Variants in PAG1 observed in about 807,000 individuals in gnomAD.
PAG1 encodes the protein phosphoprotein membrane anchor with glycosphingolipid microdomains 1.
A neutral mutation model predicts 31.7 loss-of-function variants in PAG1; 23 were observed. The ratio of observed to expected loss-of-function variants is 0.73; its 90% CI spans 0.52 to 1.03. The LOEUF is 1.03. Ranked by LOEUF, PAG1 falls within the 50% of genes least tolerant of loss-of-function variation. PAG1 has a pLI of 0.00. For missense variants in PAG1, 473 were observed against 540.7 expected (o/e 0.87, Z 1.24); for synonymous variants, 214 against 210.3 (o/e 1.02, Z -0.15).
At chr8:80,982,691 T>C (rs1021962387) in intron 7 of PAG1, among the ~76,000 whole-genome samples, 4 of 152,212 alleles carry the variant, frequency 2.6e-5, no homozygotes, top group Non-Finnish European at 5.9e-5. Flanking sequence ...CACTGACTGC[T>C]GGTTCTCCCC....
At chr8:81,042,349 A>G (rs995540234) in intron 2 of PAG1, among the ~76,000 whole-genome samples, 3 of 152,326 alleles carry the variant, frequency 2.0e-5, no homozygotes, top group African/African-American at 7.2e-5. Flanking sequence ...GCATTTGATC[A>G]CTAACTGCAA....
intron 3 of PAG1, among the ~76,000 whole-genome samples, chr8:81,027,596 G>A (rs1031586277): frequency 3.5e-4 from 54 of 152,234 alleles, no homozygotes; most frequent in Admixed American, 1.6e-3. Flanking sequence ...AATATCCAGG[G>A]AGCTGTTCTT....
chr8:80,996,280 T>C (rs2130542360), intron 3 of PAG1, among the ~76,000 whole-genome samples: 1 of 152,232 alleles, frequency 6.6e-6, no homozygotes, highest in East Asian at 1.9e-4. Context: ...GCAGAGTGTG[T>C]GAGTGTTGGT....
At chr8:81,101,951 T>C (rs1466069268) in intron 1 of PAG1, among the ~76,000 whole-genome samples, 1 of 152,132 alleles carries the variant, frequency 6.6e-6, no homozygotes, top group African/African-American at 2.4e-5. Context: ...CATAGAAAGA[T>C]GAGTACGAAA....
chr8:80,981,874 T>C (rs1350547777), intron 7 of PAG1, among the ~76,000 whole-genome samples: 2 of 145,864 alleles, frequency 1.4e-5, no homozygotes, highest in African/African-American at 5.3e-5. Context: ...TTTTTTTTTT[T>C]TTTTTTTTTT....
Position 80,981,862 on chromosome 8 carries a change from C to CTTTTTTTT in PAG1, c.877-1376_877-1369dup, listed in dbSNP as rs57438015. On this transcript the variant is annotated intron_variant, in intron 7 of 8. Transcript: ENST00000220597. ...TTCTACCTACTCATTATCTCACTTC[C>CTTTTTTTT]TTTTTTTTTTTTTTTTTTTTTTTGA... Among the ~76,000 whole-genome samples the CTTTTTTTT allele has an allele frequency of 4.3e-4, 44 of 103,430 alleles. 3 individuals are homozygous for CTTTTTTTT. The highest frequency in any genetic ancestry group is 2.1e-3 in the African/African-American group (43 of 20,016). 67.9% of individuals were successfully genotyped at this position (103,430 alleles called of 152,430 possible).
chr8:80,992,396 C>T (rs533806184), intron 4 of PAG1, among the ~76,000 whole-genome samples: 2 of 152,328 alleles, frequency 1.3e-5, no homozygotes, highest in African/African-American at 4.8e-5. Context: ...ACAGGGCTGG[C>T]TGACGGTCAG....
intron 3 of PAG1, chr8:81,029,736 C>T (rs1025725519): frequency 6.6e-6 from 1 of 152,200 alleles, no homozygotes; most frequent in Non-Finnish European, 1.5e-5. Context: ...CCAGCCTCTT[C>T]TTTCCTCCTC....
chr8:81,027,199 G>A (rs975085535), intron 3 of PAG1, among the ~76,000 whole-genome samples: 10 of 151,924 alleles, frequency 6.6e-5, no homozygotes, highest in African/African-American at 2.4e-4. Context: ...ACAGGGTTTT[G>A]CCATGTTGCC....
At chr8:81,085,089 G>T (rs1364429655) in intron 1 of PAG1, among the ~76,000 whole-genome samples, 1 of 152,142 alleles carries the variant, frequency 6.6e-6, no homozygotes, top group Non-Finnish European at 1.5e-5. Context: ...AGTTAAGATG[G>T]TTGTTGGGCC....
rs1019973408 is a variant in PAG1, at chr8:81,011,640, T to C, written c.-80-18333A>G. 2.6e-5 allele frequency among the ~76,000 whole-genome samples: 4 copies of C among 152,204 alleles called. No homozygotes were observed. The South Asian group carries it at 8.3e-4, about 32-fold the overall frequency. On this transcript the variant is annotated intron_variant, in intron 3 of 8. Transcript: ENST00000220597. ...CATATCTTTGCAGTCTTACTAAGAA[T>C]AGTACCAAATACAATCCTGTATTCT... is the stretch of plus-strand genomic sequence containing the variant.
intron 2 of PAG1, among the ~76,000 whole-genome samples, chr8:81,059,648 C>T (rs1381010444): frequency 6.6e-6 from 1 of 152,116 alleles, no homozygotes; most frequent in African/African-American, 2.4e-5. Context: ...ATTAGCTTCT[C>T]GAAGGAGTCT....
chr8:81,090,497 C>T (rs756456612), intron 1 of PAG1, among the ~76,000 whole-genome samples: 14 of 152,200 alleles, frequency 9.2e-5, no homozygotes, highest in African/African-American at 3.4e-4. Context: ...GATGTGACAT[C>T]GGCCTTCAAG....
rs1233460695 is a variant in PAG1, at chr8:81,011,511, G to C, written c.-80-18204C>G. On this transcript the variant is annotated intron_variant, in intron 3 of 8. Coordinates refer to ENST00000220597, the MANE Select transcript of PAG1 (RefSeq NM_018440.4). ...GTCCATTAAACTTTTTTTTTTATAAGTGACCAGTCTCAGGTATGTCTTTAT... is the reference window on the plus strand; with the variant it reads ...GTCCATTAAACTTTTTTTTTTATAACTGACCAGTCTCAGGTATGTCTTTAT... Among the ~76,000 whole-genome samples, 3 of 151,930 alleles carry C rather than the reference G, an allele frequency of 2.0e-5. No individual in the cohort carries two copies. The East Asian group carries it at 5.8e-4, about 29-fold the overall frequency.
intron 2 of PAG1, among the ~76,000 whole-genome samples, chr8:81,048,902 G>A (rs1808683747): frequency 1.3e-5 from 2 of 152,074 alleles, no homozygotes; most frequent in Admixed American, 1.3e-4. Context: ...AAACTCAAAT[G>A]GGTTCAATCA....
chr8:81,024,092 C>G (rs1426250955), intron 3 of PAG1, among the ~76,000 whole-genome samples: 2 of 152,234 alleles, frequency 1.3e-5, no homozygotes, highest in Non-Finnish European at 2.9e-5. Context: ...AATAGCTTCA[C>G]TTACATTAAG....
At chr8:81,109,210 A>G (rs1257065775) in intron 1 of PAG1, among the ~76,000 whole-genome samples, 2 of 152,266 alleles carry the variant, frequency 1.3e-5, no homozygotes, top group Admixed American at 6.5e-5. Flanking sequence ...ATTTAACAAT[A>G]ATTATGATCA....
chr8:80,998,204 A>C (rs913045364), intron 3 of PAG1, among the ~76,000 whole-genome samples: 1 of 142,142 alleles, frequency 7.0e-6, no homozygotes, highest in Non-Finnish European at 1.5e-5. Context: ...ATCTCAGCTC[A>C]CTGCAACCTT....
intron 3 of PAG1, among the ~76,000 whole-genome samples, chr8:81,011,670 G>C (rs968713928): frequency 2.6e-5 from 4 of 152,146 alleles, no homozygotes; most frequent in Non-Finnish European, 5.9e-5. Flanking sequence ...TATTCTTTAA[G>C]GTTGTAACTA....
Sources: allele counts gnomAD v4.1 joint callset (sites outside exome capture counted in the v4.1 genomes callset), GRCh38; gene constraint gnomAD v4.1.1; transcripts MANE v1.5; gene names NCBI Gene and HGNC (gene_info 2026-07-23, HGNC 2026-07-21).